The following LRRC1 variants were observed in gnomAD, a reference collection of about 807,000 sequenced individuals.
LRRC1 encodes the protein leucine rich repeat containing 1.
A neutral mutation model predicts 69.9 loss-of-function variants in LRRC1; 28 were observed. That is an observed-to-expected ratio of 0.40 (90% CI 0.30 to 0.55). The LOEUF is 0.55. Among genes scored for constraint, LRRC1 ranks in the 20% least tolerant of loss-of-function variants. The probability of loss-of-function intolerance (pLI) is 0.47; values close to 1 mark genes in which losing one functional copy is unlikely to be tolerated. For synonymous variants in LRRC1, 236 were observed against 240.2 expected (o/e 0.98, Z 0.16); for missense variants, 498 against 609.0 (o/e 0.82, Z 1.92).
chr6:53,896,721 A>C, intron 5 of LRRC1, 108 bp from the exon 6 acceptor site: 1 of 985,476 alleles, frequency 1.0e-6, no homozygotes, highest in Non-Finnish European at 1.6e-6. Flanking sequence ...TTTCTACCAT[A>C]AAAATAAAAA....
rs1428852703 is a variant in LRRC1, at chr6:53,892,011, T to TATACACAC, written c.447-4486_447-4485insTACACACA. Among the ~76,000 whole-genome samples, 674 of 135,338 alleles carry TATACACAC rather than the reference T, an allele frequency of 5.0e-3. 3 individuals carry two copies. The highest frequency in any genetic ancestry group is 9.3e-3 in the African/African-American group (324 of 35,014). 88.8% of individuals were successfully genotyped at this position (135,338 alleles called of 152,430 possible). ...TGTCTAAAAAAAAAATATATATATA[T>TATACACAC]ACACACACACACACACACACACACA... On this transcript the variant is annotated intron_variant, in intron 4 of 13. Transcript: ENST00000370888.
At chr6:53,863,613 G>A (rs773658603) in intron 2 of LRRC1, among the ~76,000 whole-genome samples, 2 of 152,096 alleles carry the variant, frequency 1.3e-5, no homozygotes, top group Non-Finnish European at 1.5e-5. Context: ...AGTCAAACCC[G>A]AAAACATCAG....
chr6:53,827,665 G>T (rs190842960), intron 1 of LRRC1, among the ~76,000 whole-genome samples: 5 of 152,282 alleles, frequency 3.3e-5, no homozygotes, highest in Admixed American at 6.5e-5. Flanking sequence ...TGTGGGTGTG[G>T]GAAATGGAGT....
chr6:53,864,051 T>G (rs934037847), intron 2 of LRRC1, among the ~76,000 whole-genome samples: 2 of 152,124 alleles, frequency 1.3e-5, no homozygotes, highest in Non-Finnish European at 2.9e-5. Context: ...AAAAATAGTT[T>G]GGCGTTCCCT....
chr6:53,894,944 T>C (rs1265497703), intron 4 of LRRC1, among the ~76,000 whole-genome samples: 2 of 151,680 alleles, frequency 1.3e-5, no homozygotes, highest in Non-Finnish European at 2.9e-5. Flanking sequence ...TCTTTTTTTT[T>C]TTTTTGAGAT....
intron 13 of LRRC1, among the ~76,000 whole-genome samples, chr6:53,921,378 G>A (rs980445571): frequency 4.0e-5 from 6 of 151,414 alleles, no homozygotes; most frequent in African/African-American, 1.5e-4. Flanking sequence ...TTTTTTAATT[G>A]TTCCCAGTGA....
At chr6:53,827,683 G>C (rs1484099285) in intron 1 of LRRC1, among the ~76,000 whole-genome samples, 1 of 152,130 alleles carries the variant, frequency 6.6e-6, no homozygotes, top group Non-Finnish European at 1.5e-5. Flanking sequence ...AGTCAGAAAG[G>C]CCATGGATAT....
chr6:53,893,536 C>T (rs1388398645), intron 4 of LRRC1, among the ~76,000 whole-genome samples: 1 of 152,028 alleles, frequency 6.6e-6, no homozygotes, highest in Admixed American at 6.6e-5. Context: ...TGAAATGCCC[C>T]CAAATCTGAA....
At chr6:53,888,606 A>G (rs1005279668) in intron 4 of LRRC1, among the ~76,000 whole-genome samples, 2 of 152,208 alleles carry the variant, frequency 1.3e-5, no homozygotes, top group Non-Finnish European at 2.9e-5. Flanking sequence ...TATCAAAACA[A>G]TTCAGTGGAG....
chr6:53,864,681 C>T lies in LRRC1; in HGVS notation c.278-14312C>T, dbSNP rs150436982. 2.8e-3 allele frequency among the ~76,000 whole-genome samples: 420 copies of T among 152,218 alleles called. 7 individuals are homozygous for T. The highest frequency in any genetic ancestry group is 9.5e-3 in the African/African-American group (396 of 41,484). The stretch of plus-strand genomic sequence containing the variant: ...TGCATGCAAAGTGCCAGTCATGATA[C>T]CCGGTACATAACAGGCCCTCAAAAA... On this transcript the variant is annotated intron_variant, in intron 2 of 13. Transcript: ENST00000370888.
At chr6:53,882,820 A>T in intron 3 of LRRC1, 67 bp from the exon 4 acceptor site, 1 of 883,416 alleles carries the variant, frequency 1.1e-6, no homozygotes, top group Non-Finnish European at 1.8e-6. Flanking sequence ...CATTATATTT[A>T]TGCTTGGTAT....
intron 1 of LRRC1, among the ~76,000 whole-genome samples, chr6:53,812,518 G>A (rs1376434554): frequency 2.0e-5 from 3 of 151,582 alleles, no homozygotes; most frequent in Non-Finnish European, 4.4e-5. Context: ...GTGAAACCCC[G>A]TCTCTACTAA....
At chr6:53,811,891 C>A (rs1025114049) in intron 1 of LRRC1, among the ~76,000 whole-genome samples, 1 of 152,222 alleles carries the variant, frequency 6.6e-6, no homozygotes, top group Non-Finnish European at 1.5e-5. Context: ...GCAGTGAATG[C>A]ATATTGATGG....
intron 2 of LRRC1, among the ~76,000 whole-genome samples, chr6:53,864,554 A>G (rs770724571): frequency 2.0e-4 from 31 of 152,156 alleles, no homozygotes; most frequent in Non-Finnish European, 4.0e-4. Context: ...TGTCAGCAGA[A>G]TGACCTTGGA....
In LRRC1 at chr6:53,832,886, C is replaced by T. The variant is rs538284721; in HGVS notation, c.160-9224C>T. Among the ~76,000 whole-genome samples, 300 of 152,206 alleles carry T rather than the reference C, an allele frequency of 2.0e-3. 3 individuals are homozygous for T. Among genetic ancestry groups the T allele is most frequent in the African/African-American group, 6.6e-3 (274 of 41,524 alleles). The stretch of plus-strand genomic sequence containing the variant: ...ATAGGACTTATACTGTACATATATA[C>T]AATTTTACATTTCTTTTTTCCCTTA... On this transcript the variant is annotated intron_variant, in intron 1 of 13. Transcript: ENST00000370888.
intron 1 of LRRC1, among the ~76,000 whole-genome samples, chr6:53,838,044 G>C (rs1361846228): frequency 6.6e-6 from 1 of 152,210 alleles, no homozygotes; most frequent in Non-Finnish European, 1.5e-5. Flanking sequence ...ACAGCTACAG[G>C]AATTGTTTTT....
chr6:53,865,676 A>G (rs1766679113), intron 2 of LRRC1, among the ~76,000 whole-genome samples: 1 of 151,734 alleles, frequency 6.6e-6, no homozygotes, highest in Non-Finnish European at 1.5e-5. Context: ...CATGTTTTTT[A>G]AATCTAATAT....
At chr6:53,811,530 T>G (rs539138160) in intron 1 of LRRC1, among the ~76,000 whole-genome samples, 1 of 152,346 alleles carries the variant, frequency 6.6e-6, no homozygotes, top group East Asian at 1.9e-4. Flanking sequence ...AGAGAAGGCC[T>G]GAGCTGCTCA....
chr6:53,910,505 G>A (rs559353731), intron 10 of LRRC1, among the ~76,000 whole-genome samples: 1 of 152,170 alleles, frequency 6.6e-6, no homozygotes, highest in Non-Finnish European at 1.5e-5. Context: ...TAAGACATTC[G>A]GGTAAGTTCA....
Sources: gnomAD v4.1 joint callset for allele counts (sites outside exome capture counted in the v4.1 genomes callset) on GRCh38, gnomAD v4.1.1 for gene constraint, MANE v1.5 for transcripts, NCBI Gene and HGNC (gene_info 2026-07-23, HGNC 2026-07-21) for gene names.